Variants in CDH8 observed in about 807,000 individuals in gnomAD.
CDH8 encodes the protein cadherin 8.
CDH8 carries 17 observed loss-of-function variants against 68.1 expected under a neutral mutation model. The ratio of observed to expected loss-of-function variants is 0.25; its 90% CI spans 0.17 to 0.37. CDH8 has a LOEUF of 0.37. Ranked by LOEUF, CDH8 falls within the 10% of genes least tolerant of loss-of-function variation. The probability of loss-of-function intolerance (pLI) is 1.00; values close to 1 mark genes in which losing one functional copy is unlikely to be tolerated. For synonymous variants in CDH8, 372 were observed against 365.1 expected, an observed-to-expected ratio of 1.02 and a Z score of -0.21; for missense variants, 763 against 999.3, an observed-to-expected ratio of 0.76 and a Z score of 3.19.
intron 2 of CDH8, among the ~76,000 whole-genome samples, chr16:61,904,942 C>T (rs1022432462): frequency 4.6e-5 from 7 of 152,230 alleles, no homozygotes; most frequent in African/African-American, 1.7e-4. Flanking sequence ...CTCATAGGAG[C>T]AGGAACCCTA....
intron 10 of CDH8, among the ~76,000 whole-genome samples, chr16:61,689,956 A>G (rs879567512): frequency 1.2e-4 from 18 of 151,994 alleles, no homozygotes; most frequent in Admixed American, 2.0e-4. Context: ...ACTGATTTAG[A>G]CTGTCTTTCC....
chr16:61,862,248 G>A (rs1012985351), intron 3 of CDH8, among the ~76,000 whole-genome samples: 1 of 151,894 alleles, frequency 6.6e-6, no homozygotes, highest in Admixed American at 6.6e-5. Flanking sequence ...AAATTGCTCT[G>A]AGAGCAAAAA....
chr16:61,728,857 A>T (rs1225014820), intron 8 of CDH8, among the ~76,000 whole-genome samples: 1 of 149,544 alleles, frequency 6.7e-6, no homozygotes, highest in African/African-American at 2.4e-5. Flanking sequence ...AATTAATTTA[A>T]ACTCAATTTT....
At chr16:61,996,324 C>G (rs1210324566) in intron 2 of CDH8, among the ~76,000 whole-genome samples, 2 of 152,186 alleles carry the variant, frequency 1.3e-5, no homozygotes, top group Admixed American at 6.5e-5. Flanking sequence ...ATGGCAAACT[C>G]TGCACATGGG....
chr16:61,862,449 C>T (rs1963169144), intron 3 of CDH8, among the ~76,000 whole-genome samples: 1 of 152,172 alleles, frequency 6.6e-6, no homozygotes, highest in Non-Finnish European at 1.5e-5. Flanking sequence ...AGAGCTAAGA[C>T]AAGCTTTTAC....
chr16:61,773,295 G>A (rs141989536), intron 8 of CDH8, among the ~76,000 whole-genome samples: 2 of 152,076 alleles, frequency 1.3e-5, no homozygotes, highest in Non-Finnish European at 1.5e-5. Context: ...CTACATACAT[G>A]ATTTTTTTGT....
chr16:61,972,877 C>T (rs1965368550), intron 2 of CDH8, among the ~76,000 whole-genome samples: 1 of 152,134 alleles, frequency 6.6e-6, no homozygotes, highest in African/African-American at 2.4e-5. Context: ...GAGAGAAAAG[C>T]ATAACCATTA....
chr16:61,698,780 T>G (rs16963862), intron 10 of CDH8, among the ~76,000 whole-genome samples: 18,006 of 152,218 alleles, frequency 0.12, 1,057 homozygotes, highest in African/African-American at 0.12. Flanking sequence ...GACTTATGAC[T>G]TCTCCGATAT....
intron 8 of CDH8, among the ~76,000 whole-genome samples, chr16:61,784,872 A>T (rs920009277): frequency 4.6e-5 from 7 of 152,222 alleles, no homozygotes; most frequent in African/African-American, 1.7e-4. Context: ...AGAAATAAAG[A>T]TGTTCTTTAA....
At chr16:61,745,044 A>G (rs1179134069) in intron 8 of CDH8, among the ~76,000 whole-genome samples, 6 of 150,274 alleles carry the variant, frequency 4.0e-5, no homozygotes, top group Non-Finnish European at 8.9e-5. Context: ...TTTTAGAAAA[A>G]TATATTTCTA....
At chr16:61,846,927 T>G (rs1156454650) in intron 4 of CDH8, among the ~76,000 whole-genome samples, 1 of 152,106 alleles carries the variant, frequency 6.6e-6, no homozygotes, top group African/African-American at 2.4e-5. Context: ...TAGTCTTATG[T>G]AGAACTTACA....
chr16:61,883,949 C>G (rs1298568071), intron 3 of CDH8, among the ~76,000 whole-genome samples: 2 of 120,614 alleles, frequency 1.7e-5, no homozygotes, highest in African/African-American at 7.9e-5. Context: ...GAACAGTAAA[C>G]AGTAGAAGGT....
chr16:61,742,878 C>A (rs1205539124), intron 8 of CDH8, among the ~76,000 whole-genome samples: 1 of 152,114 alleles, frequency 6.6e-6, no homozygotes, highest in Non-Finnish European at 1.5e-5. Context: ...TCGGTGAGTT[C>A]ATTTGAGCAT....
At chr16:61,654,580 A>C (rs927658789) in intron 11 of CDH8, among the ~76,000 whole-genome samples, 1 of 152,212 alleles carries the variant, frequency 6.6e-6, no homozygotes, top group Non-Finnish European at 1.5e-5. Context: ...TTTATAAAAA[A>C]GTGAATGTCA....
chr16:61,948,411 A>G (rs1422514651), intron 2 of CDH8, among the ~76,000 whole-genome samples: 2 of 152,174 alleles, frequency 1.3e-5, no homozygotes, highest in African/African-American at 2.4e-5. Flanking sequence ...TTATTCACCA[A>G]ATATCTTTCA....
intron 2 of CDH8, among the ~76,000 whole-genome samples, chr16:61,992,971 G>A (rs1965750883): frequency 6.6e-6 from 1 of 152,044 alleles, no homozygotes; most frequent in South Asian, 2.1e-4. Context: ...TGTGTATGGA[G>A]GTGGGGTCTC....
intron 10 of CDH8, among the ~76,000 whole-genome samples, chr16:61,683,330 G>A (rs1964046983): frequency 6.6e-6 from 1 of 151,772 alleles, no homozygotes; most frequent in Non-Finnish European, 1.5e-5. Context: ...AATATAACAT[G>A]GTACAAAACC....
intron 4 of CDH8, among the ~76,000 whole-genome samples, chr16:61,831,895 T>C (rs1368266111): frequency 6.6e-6 from 1 of 151,850 alleles, no homozygotes; most frequent in African/African-American, 2.4e-5. Context: ...ACTAGCTTTG[T>C]TATCCCCAAA....
intron 10 of CDH8, among the ~76,000 whole-genome samples, chr16:61,704,101 T>C (rs1464508805): frequency 6.6e-6 from 1 of 152,212 alleles, no homozygotes; most frequent in East Asian, 1.9e-4. Flanking sequence ...AAAAACTTTT[T>C]TGGACAATCC....
Sources: allele counts gnomAD v4.1 joint callset (sites outside exome capture counted in the v4.1 genomes callset), GRCh38; gene constraint gnomAD v4.1.1; transcripts MANE v1.5; gene names NCBI Gene and HGNC (gene_info 2026-07-23, HGNC 2026-07-21).